SLC24A2: variants seen among roughly 807,000 people sequenced by gnomAD.
SLC24A2 encodes solute carrier family 24 member 2, also known as sodium/potassium/calcium exchanger 2.
In SLC24A2, 36 loss-of-function variants were observed where a neutral mutation model predicts 62.0. The observed-to-expected ratio is 0.58, with a 90% CI of 0.44 to 0.77. The LOEUF (loss-of-function observed/expected upper bound fraction) is 0.77. SLC24A2 is among the 30% of genes least tolerant of loss of function. The pLI is 0.00. For synonymous variants in SLC24A2, 358 were observed against 294.0 expected (o/e 1.22, Z -2.23); for missense variants, 846 against 817.9 (o/e 1.03, Z -0.42).
chr9:20,094,622 G>C, the SLC24A2 span, among the ~76,000 whole-genome samples: 3 of 152,128 alleles, frequency 2.0e-5, no homozygotes, highest in Non-Finnish European at 4.4e-5. Flanking sequence ...TACTAGATTT[G>C]TGTATGTCTT....
At position 19,671,884 on chromosome 9, in the gene SLC24A2, C is replaced by T. The variant is rs1819428421; in HGVS notation, c.931-49585G>A. ...TTGACTTGCAGATGTTAAACCATCC[C>T]TGCATCCCTGGTATGAAACCCAATT... On this transcript the variant is annotated intron_variant, in intron 2 of 10. Coordinates refer to ENST00000341998, the MANE Select transcript of SLC24A2 (RefSeq NM_020344.4). Among the ~76,000 whole-genome samples the T allele has an allele frequency of 2.2e-5, 3 of 134,702 alleles. No individual in the cohort carries two copies. The Middle Eastern group carries it at 0.011, about 492-fold the overall frequency. 88.4% of individuals were successfully genotyped at this position (134,702 alleles called of 152,430 possible).
At chr9:20,263,661 A>C in the SLC24A2 span, among the ~76,000 whole-genome samples, 1 of 152,136 alleles carries the variant, frequency 6.6e-6, no homozygotes, top group Admixed American at 6.5e-5. Flanking sequence ...ACCATGCACT[A>C]CATGTTTACA....
the SLC24A2 span, among the ~76,000 whole-genome samples, chr9:20,298,938 C>T: frequency 2.0e-5 from 3 of 152,334 alleles, no homozygotes; most frequent in South Asian, 6.2e-4. Flanking sequence ...AGCTCATCTA[C>T]AGACCTGTGC....
the SLC24A2 span, among the ~76,000 whole-genome samples, chr9:20,253,935 G>A: frequency 1.3e-5 from 2 of 152,164 alleles, no homozygotes; most frequent in Non-Finnish European, 2.9e-5. Flanking sequence ...GTGGCTTGGG[G>A]TTGGTAAAGG....
At chr9:19,522,058 G>C (rs771220829) in intron 9 of SLC24A2, among the ~76,000 whole-genome samples, 1 of 152,162 alleles carries the variant, frequency 6.6e-6, no homozygotes, top group Non-Finnish European at 1.5e-5. Context: ...GCCCAGGCTA[G>C]AGTGCAGTGG....
the SLC24A2 span, among the ~76,000 whole-genome samples, chr9:20,157,536 C>A: frequency 6.6e-6 from 1 of 151,494 alleles, no homozygotes. Flanking sequence ...ATATCTGGGA[C>A]TTCATATTTC....
chr9:19,969,995 A>T, the SLC24A2 span, among the ~76,000 whole-genome samples: 1 of 152,172 alleles, frequency 6.6e-6, no homozygotes, highest in African/African-American at 2.4e-5. Flanking sequence ...CCACCTTTAC[A>T]TATTTCTGTG....
the SLC24A2 span, among the ~76,000 whole-genome samples, chr9:20,140,269 A>G: frequency 6.6e-6 from 1 of 152,166 alleles, no homozygotes; most frequent in Non-Finnish European, 1.5e-5. Flanking sequence ...GGAGGGAGGC[A>G]GATCTGTACA....
the SLC24A2 span, among the ~76,000 whole-genome samples, chr9:20,030,243 T>C: frequency 2.0e-5 from 3 of 152,216 alleles, no homozygotes; most frequent in Non-Finnish European, 4.4e-5. Flanking sequence ...AATTGTTCTA[T>C]CACATTTGAA....
At chr9:19,921,233 A>G in the SLC24A2 span, among the ~76,000 whole-genome samples, 1 of 152,064 alleles carries the variant, frequency 6.6e-6, no homozygotes, top group Admixed American at 6.6e-5. Flanking sequence ...AAGAATTTAG[A>G]ACTTACATGG....
At chr9:20,043,223 TA>T in the SLC24A2 span, among the ~76,000 whole-genome samples, 1 of 152,136 alleles carries the variant, frequency 6.6e-6, no homozygotes, top group South Asian at 2.1e-4. Context: ...TGAAGGAAAT[TA>T]AAAGTGCTAC....
rs113591337 is a variant in SLC24A2 at position 19,689,664 on chromosome 9, T to C, written c.931-67365A>G. 1.4e-3 allele frequency among the ~76,000 whole-genome samples: 218 copies of C among 152,238 alleles called. 4 individuals carry two copies. The highest frequency in any genetic ancestry group is 4.9e-3 in the African/African-American group (205 of 41,562). On this transcript the variant is annotated intron_variant, in intron 2 of 10. Transcript: ENST00000341998. ...GGCCTCCACTTCTGGCCATGTCCAA[T>C]GTGTAAGGCCCTCACCTGGATCTGA...
At chr9:19,925,241 G>A in the SLC24A2 span, among the ~76,000 whole-genome samples, 3 of 152,148 alleles carry the variant, frequency 2.0e-5, no homozygotes, top group Admixed American at 6.5e-5. Flanking sequence ...TAGATTTATA[G>A]TGACCCAGAA....
the SLC24A2 span, among the ~76,000 whole-genome samples, chr9:20,010,384 C>T: frequency 6.6e-6 from 1 of 152,072 alleles, no homozygotes; most frequent in Non-Finnish European, 1.5e-5. Flanking sequence ...ACTAATAAAG[C>T]TCTGCTAATG....
At chr9:20,303,575 T>C in the SLC24A2 span, among the ~76,000 whole-genome samples, 1 of 152,156 alleles carries the variant, frequency 6.6e-6, no homozygotes, top group South Asian at 2.1e-4. Flanking sequence ...CCAGGGATAC[T>C]TCCAATAACT....
chr9:19,984,567 G>T, the SLC24A2 span, among the ~76,000 whole-genome samples: 1 of 152,124 alleles, frequency 6.6e-6, no homozygotes, highest in African/African-American at 2.4e-5. Flanking sequence ...TTAACCAGGT[G>T]TGTTGGTACA....
chr9:19,736,739 C>G (rs1821522208), intron 2 of SLC24A2, among the ~76,000 whole-genome samples: 1 of 152,112 alleles, frequency 6.6e-6, no homozygotes, highest in Non-Finnish European at 1.5e-5. Flanking sequence ...GTAATCTTAG[C>G]TACTCAGCAG....
chr9:20,239,382 C>G, the SLC24A2 span, among the ~76,000 whole-genome samples: 1 of 152,150 alleles, frequency 6.6e-6, no homozygotes, highest in Admixed American at 6.5e-5. Flanking sequence ...TTTTTACTTG[C>G]TAAATCTGGC....
the SLC24A2 span, among the ~76,000 whole-genome samples, chr9:20,180,894 G>A: frequency 2.6e-5 from 4 of 152,058 alleles, no homozygotes; most frequent in Non-Finnish European, 2.9e-5. Context: ...TTTCTTCCCC[G>A]TTTCTCTTGC....
Sources: allele counts gnomAD v4.1 joint callset (sites outside exome capture counted in the v4.1 genomes callset), GRCh38; gene constraint gnomAD v4.1.1; transcripts MANE v1.5; gene names NCBI Gene and HGNC (gene_info 2026-07-23, HGNC 2026-07-21).